The following FAM72A variants were observed in gnomAD, a reference collection of about 807,000 sequenced individuals.
The protein encoded by FAM72A is regulator of UNG2 and MKLN1 interacting yippee protein 1, also known as protein FAM72A.
Under a neutral mutation model 11.3 loss-of-function variants are expected in FAM72A, and 1 was observed. The observed-to-expected ratio is 0.09, with a 90% CI of 0.03 to 0.42. FAM72A has a LOEUF of 0.42. Ranked by LOEUF, FAM72A falls within the 10% of genes least tolerant of loss-of-function variation. The pLI, the probability that FAM72A is intolerant of heterozygous loss-of-function variation, is 0.98. For synonymous variants in FAM72A, 5 were observed against 46.9 expected, an observed-to-expected ratio of 0.11 and a Z score of 3.65; for missense variants, 15 against 135.5, an observed-to-expected ratio of 0.11 and a Z score of 4.41.
At chr1:206,200,301 A>G (rs1193580454) in intron 1 of FAM72A, among the ~76,000 whole-genome samples, 1 of 150,812 alleles carries the variant, frequency 6.6e-6, no homozygotes, top group Non-Finnish European at 1.5e-5. Context: ...AATTTTGTCA[A>G]TCCAAAGAGC....
upstream of FAM72A, chr1:206,203,786 A>G: frequency 6.6e-7 from 1 of 1,523,920 alleles, no homozygotes; most frequent in Non-Finnish European, 8.8e-7. Flanking sequence ...GCCGCCCGGA[A>G]TCCCTCAGAC....
chr1:206,198,301 T>C (rs1571535626), intron 2 of FAM72A, among the ~76,000 whole-genome samples: 1 of 150,260 alleles, frequency 6.7e-6, no homozygotes, highest in African/African-American at 2.5e-5. Context: ...GAGGCGGAGG[T>C]TGCAGTAAGC....
At chr1:206,190,507 T>A (rs1664727560) in intron 3 of FAM72A, among the ~76,000 whole-genome samples, 1 of 149,528 alleles carries the variant, frequency 6.7e-6, no homozygotes, top group Admixed American at 6.6e-5. Flanking sequence ...AAAAATACAT[T>A]TAAGTTCTAA....
chr1:206,193,096 A>C (rs1191008580), intron 3 of FAM72A, among the ~76,000 whole-genome samples: 7 of 151,026 alleles, frequency 4.6e-5, no homozygotes, highest in African/African-American at 1.7e-4. Flanking sequence ...TATTTTTAGT[A>C]GAGACGGGGT....
rs555176569 is a variant in FAM72A at position 206,187,258 on chromosome 1, T to C, written c.*21A>G. On this transcript the variant is annotated 3_prime_UTR_variant, in exon 4 of 4. Coordinates refer to ENST00000367128, the MANE Select transcript of FAM72A (RefSeq NM_001123168.3). The stretch of plus-strand genomic sequence containing the variant: ...TTTTAAATAGAAAAAAGTTTGTATA[T>C]CATATATATCATAATTCCATTTATC... 1 of 1,549,962 alleles carries C rather than the reference T, an allele frequency of 6.5e-7. No individual in the cohort carries two copies. Among genetic ancestry groups the C allele is most frequent in the East Asian group, 2.3e-5 (1 of 43,652 alleles).
intron 3 of FAM72A, among the ~76,000 whole-genome samples, chr1:206,191,298 CAAA>C (rs147872269): frequency 6.5e-5 from 3 of 46,314 alleles, no homozygotes; most frequent in Admixed American, 2.1e-4. Flanking sequence ...GACTCCATCT[CAAA>C]AAAAAAAAAA....
intron 3 of FAM72A, among the ~76,000 whole-genome samples, chr1:206,191,033 G>A (rs1664758913): frequency 7.0e-6 from 1 of 142,524 alleles, no homozygotes; most frequent in Non-Finnish European, 1.5e-5. Context: ...CGGTGCAGTG[G>A]CTCACACCTG....
chr1:206,203,218 C>G, upstream of FAM72A: 1 of 352,656 alleles, frequency 2.8e-6, no homozygotes, highest in African/African-American at 2.1e-5. Flanking sequence ...CTCCCCGCAA[C>G]ACCCCTCCTC....
chr1:206,197,111 G>T (rs1405092362), intron 2 of FAM72A, among the ~76,000 whole-genome samples: 1 of 151,094 alleles, frequency 6.6e-6, no homozygotes, highest in Admixed American at 6.6e-5. Flanking sequence ...TATTGCAAAA[G>T]TAAATTCCAT....
rs782724395 is a variant in FAM72A, at chr1:206,187,353, C to T, written c.376G>A (p.Gly126Ser). The T allele has an allele frequency of 2.5e-6, 4 of 1,611,450 alleles. 1 individual carries two copies. In the South Asian group the frequency reaches 3.3e-5, roughly 13 times the overall value. ...DSTGVNVLLW[G>S]NLPEIEESTD... ...CTCTCTTCTATCTCTGGCAAGTTGC[C>T]CCAAAGTAGGACGTTTACACCTGAA... Residue 126 changes from glycine to serine, a missense_variant, in exon 4 of 4, where the codon GGC (glycine) becomes AGC (serine). Around this residue, in one of 2 missense-constraint regions of FAM72A, gnomAD observed 10 missense variants for 35.1 expected, o/e 0.29. Transcript: ENST00000367128.
upstream of FAM72A, chr1:206,204,912 C>CT (rs1376701644): frequency 1.5e-5 from 2 of 136,504 alleles, no homozygotes; most frequent in African/African-American, 3.3e-5. Flanking sequence ...GATTTGCCCC[C>CT]CCCCCCATCA....
At chr1:206,191,481 C>T (rs1249565214) in intron 3 of FAM72A, among the ~76,000 whole-genome samples, 9 of 149,014 alleles carry the variant, frequency 6.0e-5, no homozygotes, top group African/African-American at 2.0e-4. Flanking sequence ...ATTAGCTGGG[C>T]GTATGCCTGT....
chr1:206,198,243 A>G (rs1324225069), intron 2 of FAM72A, among the ~76,000 whole-genome samples: 1 of 148,336 alleles, frequency 6.7e-6, no homozygotes, highest in Non-Finnish European at 1.5e-5. Flanking sequence ...GCGTGCCTGT[A>G]GTCTCAGCTA....
At chr1:206,190,821 AG>A (rs1470903316) in intron 3 of FAM72A, among the ~76,000 whole-genome samples, 1 of 151,430 alleles carries the variant, frequency 6.6e-6, no homozygotes, top group Non-Finnish European at 1.5e-5. Flanking sequence ...CAGTGAGCCA[AG>A]ATTGTGCCAC....
intron 3 of FAM72A, among the ~76,000 whole-genome samples, chr1:206,191,728 T>A (rs1323837964): frequency 7.2e-4 from 102 of 141,072 alleles, no homozygotes; most frequent in Admixed American, 2.3e-3. Flanking sequence ...AATATTATTT[T>A]TTTTTTTTTT....
intron 2 of FAM72A, among the ~76,000 whole-genome samples, chr1:206,196,641 C>G: frequency 9.1e-6 from 1 of 109,380 alleles, no homozygotes; most frequent in East Asian, 2.9e-4. Context: ...TCCCTGTAAA[C>G]CAAATACAAT....
At chr1:206,203,014 A>C (rs1166528892), upstream of FAM72A, 1 of 152,810 alleles carries the variant, frequency 6.5e-6, no homozygotes, top group Non-Finnish European at 1.5e-5. Flanking sequence ...GCACCGCCCC[A>C]GTAACGGTGC....
chr1:206,198,643 G>A (rs117886975), intron 2 of FAM72A, among the ~76,000 whole-genome samples: 1 of 151,754 alleles, frequency 6.6e-6, no homozygotes, highest in East Asian at 1.9e-4. Flanking sequence ...ATAATAACAC[G>A]TCTACTCAAA....
chr1:206,203,703 C>A, upstream of FAM72A: 1 of 1,257,684 alleles, frequency 8.0e-7, no homozygotes, highest in South Asian at 1.5e-5. Flanking sequence ...GGGCTGGAGC[C>A]CTGACTGAAC....
Sources: allele counts gnomAD v4.1 joint callset (sites outside exome capture counted in the v4.1 genomes callset), GRCh38; gene constraint gnomAD v4.1.1; regional missense constraint gnomAD v4.1.1; transcripts MANE v1.5; gene names NCBI Gene and HGNC (gene_info 2026-07-23, HGNC 2026-07-21).